Variants in PCDH9 observed in about 807,000 individuals in gnomAD.
The protein encoded by PCDH9 is protocadherin-9.
A neutral mutation model predicts 70.6 loss-of-function variants in PCDH9; 24 were observed. The ratio of observed to expected loss-of-function variants is 0.34; its 90% CI spans 0.25 to 0.48. The LOEUF (loss-of-function observed/expected upper bound fraction) is 0.48, where lower values mean the gene tolerates loss of function less well. Ranked by LOEUF, PCDH9 falls within the 20% of genes least tolerant of loss-of-function variation. The pLI is 0.99. For synonymous variants in PCDH9, 562 were observed against 558.5 expected (o/e 1.01, Z -0.09); for missense variants, 1,281 against 1,503.6 (o/e 0.85, Z 2.45).
intron 3 of PCDH9, among the ~76,000 whole-genome samples, chr13:66,772,764 A>T (rs1164658916): frequency 3.9e-5 from 6 of 152,246 alleles, no homozygotes; most frequent in Non-Finnish European, 8.8e-5. Flanking sequence ...TTTATTCTCA[A>T]ATATTAAATA....
chr13:66,448,977 A>G (rs1370412270), intron 4 of PCDH9, among the ~76,000 whole-genome samples: 1 of 152,144 alleles, frequency 6.6e-6, no homozygotes, highest in African/African-American at 2.4e-5. Flanking sequence ...AGTTTCAATC[A>G]ACACTTCAGC....
At chr13:66,467,840 C>G (rs1010868052) in intron 4 of PCDH9, among the ~76,000 whole-genome samples, 2 of 152,006 alleles carry the variant, frequency 1.3e-5, no homozygotes, top group Non-Finnish European at 2.9e-5. Flanking sequence ...TTGTTTCTCC[C>G]TTTTTATTTT....
Position 66,842,371 on chromosome 13 carries a change from G to A in PCDH9, c.3138+61133C>T, listed in dbSNP as rs371292405. On this transcript the variant is annotated intron_variant, in intron 3 of 4. Coordinates refer to ENST00000377865, the MANE Select transcript of PCDH9 (RefSeq NM_203487.3). ...TACATAGTAAATTAATTCTAATGTGGTTCAAATCCCACTCCTGAAAGCTAT... is the reference window on the plus strand; with the variant it reads ...TACATAGTAAATTAATTCTAATGTGATTCAAATCCCACTCCTGAAAGCTAT... Among the ~76,000 whole-genome samples, 68 of 152,134 alleles carry A rather than the reference G, an allele frequency of 4.5e-4. No individual in the cohort carries two copies. The Middle Eastern group carries it at 0.01, about 23-fold the overall frequency.
intron 4 of PCDH9, among the ~76,000 whole-genome samples, chr13:66,417,127 G>T (rs945741401): frequency 1.3e-5 from 2 of 152,058 alleles, no homozygotes; most frequent in South Asian, 4.2e-4. Context: ...GCTGCACCCA[G>T]CAACCCATCA....
chr13:66,697,264 T>C (rs140758829), intron 3 of PCDH9, among the ~76,000 whole-genome samples: 1 of 152,280 alleles, frequency 6.6e-6, no homozygotes, highest in African/African-American at 2.4e-5. Context: ...TAAATCATTT[T>C]TTAAAATTTA....
At chr13:66,652,660 A>G (rs935405767) in intron 3 of PCDH9, among the ~76,000 whole-genome samples, 7 of 152,110 alleles carry the variant, frequency 4.6e-5, no homozygotes, top group African/African-American at 1.7e-4. Flanking sequence ...GGAACCACAA[A>G]TTACCCAAAC....
chr13:66,362,355 T>C (rs927563203), intron 4 of PCDH9, among the ~76,000 whole-genome samples: 1 of 152,184 alleles, frequency 6.6e-6, no homozygotes, highest in African/African-American at 2.4e-5. Context: ...ATTTCAATAC[T>C]ATTCAGTTTA....
rs2081853404 is a variant in PCDH9, at chr13:66,878,185, C to T, written c.3138+25319G>A. ...TCATGAAGAGGTTAAATGTAAGGGCCGTGGGACTAATTTTTTATTATTATT... is the reference window on the plus strand; with the variant it reads ...TCATGAAGAGGTTAAATGTAAGGGCTGTGGGACTAATTTTTTATTATTATT... On this transcript the variant is annotated intron_variant, in intron 3 of 4. Coordinates refer to ENST00000377865, the MANE Select transcript of PCDH9 (RefSeq NM_203487.3). 2.6e-5 allele frequency among the ~76,000 whole-genome samples: 4 copies of T among 151,700 alleles called. No homozygotes were observed. In the South Asian group the frequency reaches 8.3e-4, roughly 32 times the overall value.
At chr13:66,711,537 GA>G (rs5804292) in intron 3 of PCDH9, among the ~76,000 whole-genome samples, 48,928 of 151,732 alleles carry the variant, frequency 0.32, 8,639 homozygotes, top group South Asian at 0.42. Context: ...CAAAAATAAA[GA>G]AAAAAATCAG....
At chr13:66,751,844 C>A (rs2079464316) in intron 3 of PCDH9, among the ~76,000 whole-genome samples, 1 of 152,182 alleles carries the variant, frequency 6.6e-6, no homozygotes, top group Non-Finnish European at 1.5e-5. Flanking sequence ...GCTTCTACAG[C>A]AGGCAATCTG....
chr13:67,039,537 C>T (rs1404547683), intron 2 of PCDH9, among the ~76,000 whole-genome samples: 1 of 152,078 alleles, frequency 6.6e-6, no homozygotes, highest in Non-Finnish European at 1.5e-5. Context: ...GTCTTCTTAC[C>T]AGTTGACTCA....
chr13:66,838,373 T>TA (rs1358450019), intron 3 of PCDH9, among the ~76,000 whole-genome samples: 28 of 150,202 alleles, frequency 1.9e-4, no homozygotes, highest in Admixed American at 3.3e-4. Context: ...ATTCTTTTTT[T>TA]AAAAAAAAAA....
chr13:66,770,978 A>G (rs567459538), intron 3 of PCDH9, among the ~76,000 whole-genome samples: 8 of 152,340 alleles, frequency 5.3e-5, no homozygotes, highest in African/African-American at 1.9e-4. Flanking sequence ...TTCAGGACTC[A>G]GCTTAAATGT....
chr13:66,874,669 A>G (rs200870455), intron 3 of PCDH9, among the ~76,000 whole-genome samples: 1 of 152,278 alleles, frequency 6.6e-6, no homozygotes, highest in East Asian at 1.9e-4. Flanking sequence ...AACATTTAAC[A>G]TAAGATAGGT....
intron 2 of PCDH9, among the ~76,000 whole-genome samples, chr13:66,944,079 A>C (rs1399469563): frequency 1.3e-5 from 2 of 152,194 alleles, no homozygotes; most frequent in African/African-American, 4.8e-5. Context: ...GAGAATCATT[A>C]AGTAATTTAT....
intron 4 of PCDH9, among the ~76,000 whole-genome samples, chr13:66,480,024 G>A (rs1167653260): frequency 6.6e-6 from 1 of 152,184 alleles, no homozygotes; most frequent in African/African-American, 2.4e-5. Context: ...ACATTTAAGA[G>A]CTGAAACACT....
chr13:66,488,248 C>A (rs979332671), intron 4 of PCDH9, among the ~76,000 whole-genome samples: 1 of 152,134 alleles, frequency 6.6e-6, no homozygotes, highest in African/African-American at 2.4e-5. Flanking sequence ...CAGAGAAATA[C>A]AAAACGACCT....
intron 4 of PCDH9, among the ~76,000 whole-genome samples, chr13:66,563,038 C>A (rs1417326834): frequency 6.6e-6 from 1 of 152,076 alleles, no homozygotes; most frequent in Non-Finnish European, 1.5e-5. Flanking sequence ...AATTCATTGA[C>A]TTTTGAGAAG....
rs117872276 is a variant in PCDH9 at position 67,061,826 on chromosome 13, T to C, written c.3037-158221A>G. ...TTCAGGTAATTATCTGAAACAGACC[T>C]TGTAAGAGCAGAATTCCTTTCTTGA... On this transcript the variant is annotated intron_variant, in intron 2 of 4. Transcript: ENST00000377865. Among the ~76,000 whole-genome samples the C allele has an allele frequency of 8.0e-3, 1,213 of 152,288 alleles. 10 individuals carry two copies. Among genetic ancestry groups the C allele is most frequent in the Middle Eastern group, 0.014 (4 of 294 alleles).
Sources: allele counts gnomAD v4.1 joint callset (sites outside exome capture counted in the v4.1 genomes callset), GRCh38; gene constraint gnomAD v4.1.1; transcripts MANE v1.5; gene names NCBI Gene and HGNC (gene_info 2026-07-23, HGNC 2026-07-21).